Variants in ATP8A2 observed in about 807,000 individuals in gnomAD.
ATP8A2 encodes the protein phospholipid-transporting ATPase IB.
ATP8A2 carries 100 observed loss-of-function variants against 165.6 expected under a neutral mutation model. The observed-to-expected ratio is 0.60, with a 90% CI of 0.51 to 0.71. The LOEUF (loss-of-function observed/expected upper bound fraction) is 0.71, where lower values mean the gene tolerates loss of function less well. ATP8A2 is among the 30% of genes least tolerant of loss of function. The pLI is 0.00. For missense variants in ATP8A2, 1,227 were observed against 1,479.5 expected (o/e 0.83, Z 2.80); for synonymous variants, 543 against 548.8 (o/e 0.99, Z 0.15).
intron 33 of ATP8A2, among the ~76,000 whole-genome samples, chr13:25,882,963 T>A (rs1449555454): frequency 6.6e-6 from 1 of 151,988 alleles, no homozygotes; most frequent in Admixed American, 6.6e-5. Flanking sequence ...ATGGTGATGG[T>A]GATGATGATG....
At chr13:25,561,736 T>C (rs1285922222) in intron 15 of ATP8A2, among the ~76,000 whole-genome samples, 1 of 152,246 alleles carries the variant, frequency 6.6e-6, no homozygotes, top group Non-Finnish European at 1.5e-5. Context: ...TTTCTAGAAC[T>C]TTTTCATCTG....
chr13:25,676,812 C>T (rs374034439), intron 24 of ATP8A2, among the ~76,000 whole-genome samples: 5 of 151,974 alleles, frequency 3.3e-5, no homozygotes, highest in East Asian at 1.9e-4. Flanking sequence ...TCTCTGTAGT[C>T]GATTAAAATC....
intron 25 of ATP8A2, among the ~76,000 whole-genome samples, chr13:25,726,781 A>G (rs2043503443): frequency 6.6e-6 from 1 of 152,188 alleles, no homozygotes; most frequent in South Asian, 2.1e-4. Flanking sequence ...TATTCAGCCT[A>G]CTACAGTTGC....
At chr13:25,723,730 C>T (rs2043433031) in intron 25 of ATP8A2, among the ~76,000 whole-genome samples, 2 of 152,006 alleles carry the variant, frequency 1.3e-5, no homozygotes, top group South Asian at 2.1e-4. Context: ...TCCAAGATGG[C>T]GCCAGGATTT....
intron 1 of ATP8A2, among the ~76,000 whole-genome samples, chr13:25,401,804 A>G (rs936124802): frequency 4.6e-5 from 7 of 152,240 alleles, no homozygotes; most frequent in Non-Finnish European, 7.3e-5. Context: ...AATAACAACA[A>G]TAATAAAATA....
At chr13:25,719,148 G>A (rs188796649) in intron 25 of ATP8A2, among the ~76,000 whole-genome samples, 273 of 152,232 alleles carry the variant, frequency 1.8e-3, no homozygotes, top group South Asian at 3.1e-3. Flanking sequence ...TCCGTGATCC[G>A]GCTCTATGCT....
intron 35 of ATP8A2, among the ~76,000 whole-genome samples, chr13:26,011,469 G>C (rs1020745642): frequency 2.0e-5 from 3 of 152,048 alleles, no homozygotes; most frequent in Admixed American, 6.6e-5. Flanking sequence ...AGGTACTAGG[G>C]GTAAAGACTT....
chr13:25,902,579 A>G lies in ATP8A2; in HGVS notation c.3183+40171A>G, dbSNP rs866337413. Among the ~76,000 whole-genome samples, 862 of 152,030 alleles carry G rather than the reference A, an allele frequency of 5.7e-3. 8 individuals carry two copies. Among genetic ancestry groups the G allele is most frequent in the African/African-American group, 0.019 (778 of 41,528 alleles). On this transcript the variant is annotated intron_variant, in intron 33 of 36. Transcript: ENST00000381655. ...AGCAACAACATCAATTTAAAAAAAA[A>G]AAAACAAAAAAGAATTCCCCAAGAC...
At chr13:25,442,922 G>A (rs964810320) in intron 1 of ATP8A2, among the ~76,000 whole-genome samples, 17 of 152,144 alleles carry the variant, frequency 1.1e-4, no homozygotes, top group Non-Finnish European at 2.4e-4. Flanking sequence ...CTTTTTAGGA[G>A]TTCTCTGTAT....
At chr13:25,408,269 T>A (rs2033865953) in intron 1 of ATP8A2, among the ~76,000 whole-genome samples, 1 of 152,092 alleles carries the variant, frequency 6.6e-6, no homozygotes, top group South Asian at 2.1e-4. Context: ...GGCTCCCGCC[T>A]GTAGTCCTAG....
Position 25,440,298 on chromosome 13 carries a change from G to A in ATP8A2, c.77-28679G>A, listed in dbSNP as rs111685130. 7.5e-3 allele frequency among the ~76,000 whole-genome samples: 1,142 copies of A among 152,216 alleles called. 14 individuals are homozygous for A. Among genetic ancestry groups the A allele is most frequent in the African/African-American group, 0.026 (1,062 of 41,546 alleles). On this transcript the variant is annotated intron_variant, in intron 1 of 36. Coordinates refer to ENST00000381655, the MANE Select transcript of ATP8A2 (RefSeq NM_016529.6). The stretch of plus-strand genomic sequence containing the variant: ...ACTTGTGCTGTCAGGATATACCACT[G>A]AGTGTTTCTTCCTTCCTCTTTCTTC...
chr13:25,752,186 C>T (rs76796231), intron 25 of ATP8A2, among the ~76,000 whole-genome samples: 4,636 of 152,128 alleles, frequency 0.03, 83 homozygotes, highest in African/African-American at 0.05. Flanking sequence ...AGAGGCCAGG[C>T]GCAGTGGCTC....
Position 25,469,015 on chromosome 13 carries a change from G to A in ATP8A2, c.115G>A (p.Asp39Asn). Residue 39 changes from aspartate (D) to asparagine (N), a missense_variant, in exon 2 of 37, where the codon GAT becomes AAT. By Grantham distance (23) the Asp-to-Asn change is conservative. Transcript: ENST00000381655. ...TTCTTTGGGCTATAAGAAGGCAGAG[G>A]ATGAGATGTCCCGGGCCACGTCTGT... Reference protein sequence around the residue: ...RSSLGYKKAEDEMSRATSVGD... With the variant: ...RSSLGYKKAENEMSRATSVGD... The A allele has an allele frequency of 1.9e-6, 3 of 1,614,076 alleles. No individual in the cohort carries two copies. Among genetic ancestry groups the A allele is most frequent in the Non-Finnish European group, 1.7e-6 (2 of 1,179,916 alleles).
At chr13:25,466,016 G>A (rs74042961) in intron 1 of ATP8A2, among the ~76,000 whole-genome samples, 2,189 of 151,804 alleles carry the variant, frequency 0.014, 58 homozygotes, top group African/African-American at 0.05. Flanking sequence ...CTAGATTGTA[G>A]AATTAATTTC....
chr13:25,510,103 G>A (rs1460807289), intron 2 of ATP8A2, among the ~76,000 whole-genome samples: 6 of 151,930 alleles, frequency 3.9e-5, no homozygotes, highest in East Asian at 1.9e-4. Context: ...CCAGCCTAGA[G>A]CTCACAGTAC....
At chr13:25,663,636 G>A (rs573813242) in intron 24 of ATP8A2, among the ~76,000 whole-genome samples, 1 of 152,096 alleles carries the variant, frequency 6.6e-6, no homozygotes, top group Non-Finnish European at 1.5e-5. Flanking sequence ...AATTCTCTTT[G>A]TTCTAGACCT....
At chr13:26,012,062 A>C (rs1593713293) in intron 35 of ATP8A2, among the ~76,000 whole-genome samples, 1 of 98,634 alleles carries the variant, frequency 1.0e-5, no homozygotes, top group African/African-American at 3.5e-5. Flanking sequence ...TCTGTTTTAG[A>C]AGAAAACTCG....
chr13:25,527,207 T>C (rs1438187159), intron 2 of ATP8A2, among the ~76,000 whole-genome samples: 1 of 152,202 alleles, frequency 6.6e-6, no homozygotes, highest in Non-Finnish European at 1.5e-5. Flanking sequence ...TTACACCTTA[T>C]AGTGCTCTGC....
Position 25,905,393 on chromosome 13 carries a change from C to A in ATP8A2, c.3183+42985C>A, listed in dbSNP as rs1408466512. The stretch of plus-strand genomic sequence containing the variant: ...TAACGGACACTGATTCTGCTCTAAG[C>A]CTCTTTCACTTATTTTTATATGCTC... On this transcript the variant is annotated intron_variant, in intron 33 of 36. Coordinates refer to ENST00000381655, the MANE Select transcript of ATP8A2 (RefSeq NM_016529.6). 4.0e-5 allele frequency among the ~76,000 whole-genome samples: 6 copies of A among 151,856 alleles called. No homozygotes were observed. The East Asian group carries it at 1.2e-3, about 29-fold the overall frequency.
Sources: gnomAD v4.1 joint callset for allele counts (sites outside exome capture counted in the v4.1 genomes callset) on GRCh38, gnomAD v4.1.1 for gene constraint, MANE v1.5 for transcripts, NCBI Gene and HGNC (gene_info 2026-07-23, HGNC 2026-07-21) for gene names.